The following RBFOX3 variants were observed in gnomAD, a reference collection of about 807,000 sequenced individuals.
RBFOX3 encodes RNA binding fox-1 homolog 3, also known as RNA binding protein fox-1 homolog 3.
Under a neutral mutation model 48.7 loss-of-function variants are expected in RBFOX3, and 17 were observed. The observed-to-expected ratio is 0.35, with a 90% CI of 0.24 to 0.52. RBFOX3 has a LOEUF of 0.52. RBFOX3 is among the 20% of genes least tolerant of loss of function. The pLI, the probability that RBFOX3 is intolerant of heterozygous loss-of-function variation, is 0.94. For missense variants in RBFOX3, 382 were observed against 497.5 expected, an observed-to-expected ratio of 0.77 and a Z score of 2.21; for synonymous variants, 212 against 209.5, an observed-to-expected ratio of 1.01 and a Z score of -0.10.
chr17:79,231,714 A>G (rs2061055312), intron 4 of RBFOX3, among the ~76,000 whole-genome samples: 1 of 152,242 alleles, frequency 6.6e-6, no homozygotes, highest in Non-Finnish European at 1.5e-5. Flanking sequence ...TATGAATGAC[A>G]TTGGCATAAA....
At chr17:79,329,229 C>A (rs1239782203) in intron 2 of RBFOX3, among the ~76,000 whole-genome samples, 1 of 152,128 alleles carries the variant, frequency 6.6e-6, no homozygotes, top group Non-Finnish European at 1.5e-5. Context: ...CATTTCCAAC[C>A]CAACTCTGCT....
intron 2 of RBFOX3, among the ~76,000 whole-genome samples, chr17:79,380,764 C>A (rs2059806894): frequency 6.6e-6 from 1 of 151,550 alleles, no homozygotes; most frequent in Admixed American, 6.6e-5. Flanking sequence ...TACCTGCGTG[C>A]TCTGGTGCCC....
At position 79,101,584 on chromosome 17, in the gene RBFOX3, C is replaced by T. The variant is rs762382002; in HGVS notation, c.568G>A (p.Gly190Ser). Residue 190 changes from glycine (G) to serine (S), a missense_variant and splice_region_variant, in exon 9 of 15, where the codon GGC (glycine) becomes AGC (serine). Transcript: ENST00000693108. ...NKKTGNPYTN[G>S]WKLNPVVGAV... ...CTTGTGGGGGGACCCAGCCCCTTAC[C>T]GTTGGTGTAGGGGTTCCCCGTCTTC... 8.4e-6 allele frequency: 13 copies of T among 1,550,898 alleles called. No individual in the cohort carries two copies. The East Asian group carries it at 9.8e-5, about 12-fold the overall frequency.
At chr17:79,620,067 ATG>A in the RBFOX3 span, among the ~76,000 whole-genome samples, 1 of 150,494 alleles carries the variant, frequency 6.6e-6, no homozygotes, top group East Asian at 2.0e-4. Flanking sequence ...ACATATGTAC[ATG>A]CACACATGCA....
chr17:79,255,322 G>T (rs1358499816), intron 3 of RBFOX3, among the ~76,000 whole-genome samples: 3 of 151,904 alleles, frequency 2.0e-5, no homozygotes, highest in Admixed American at 2.0e-4. Flanking sequence ...GACTCACTAT[G>T]GTGGGTCTCA....
chr17:79,256,658 C>G (rs2064900079), intron 3 of RBFOX3, among the ~76,000 whole-genome samples: 1 of 152,160 alleles, frequency 6.6e-6, no homozygotes, highest in African/African-American at 2.4e-5. Flanking sequence ...TGGCTCATGC[C>G]TGTAATCCCA....
intron 5 of RBFOX3, among the ~76,000 whole-genome samples, chr17:79,107,864 C>T (rs1055546557): frequency 5.3e-5 from 8 of 152,322 alleles, no homozygotes; most frequent in Admixed American, 3.3e-4. Flanking sequence ...GAGAGTCCCT[C>T]GGTGGCGACA....
At chr17:79,175,717 G>A (rs1205511087) in intron 4 of RBFOX3, among the ~76,000 whole-genome samples, 2 of 152,246 alleles carry the variant, frequency 1.3e-5, no homozygotes, top group African/African-American at 2.4e-5. Context: ...CCGAGTTGCC[G>A]GCTCTTGGGG....
chr17:79,137,503 C>T (rs1017154831), intron 4 of RBFOX3, among the ~76,000 whole-genome samples: 4 of 152,214 alleles, frequency 2.6e-5, no homozygotes, highest in Non-Finnish European at 4.4e-5. Context: ...TGATCGTGCA[C>T]GCAGCAGTGC....
At chr17:79,280,841 T>TG (rs34734841) in intron 3 of RBFOX3, among the ~76,000 whole-genome samples, 44,932 of 101,028 alleles carry the variant, frequency 0.44, 8,597 homozygotes, top group Non-Finnish European at 0.51. Context: ...TGTCCCATTG[T>TG]GGGGGGGGGG....
At chr17:79,522,966 G>C (rs2150010221) in intron 1 of RBFOX3, among the ~76,000 whole-genome samples, 1 of 147,466 alleles carries the variant, frequency 6.8e-6, no homozygotes, top group East Asian at 2.0e-4. Context: ...ATGCAAGGAA[G>C]CTCTGACGCA....
chr17:79,129,318 A>T (rs2038169377), intron 4 of RBFOX3, among the ~76,000 whole-genome samples: 1 of 152,208 alleles, frequency 6.6e-6, no homozygotes, highest in Non-Finnish European at 1.5e-5. Flanking sequence ...CACATCCAGG[A>T]TGTAGCAGAC....
In RBFOX3 at chr17:79,198,273, G is replaced by C. The variant is rs919504850; in HGVS notation, c.-34+37493C>G. 1.3e-5 allele frequency among the ~76,000 whole-genome samples: 2 copies of C among 152,212 alleles called. No homozygotes were observed. The highest frequency in any genetic ancestry group is 4.8e-5 in the African/African-American group (2 of 41,460). ...TGGCCAGCCCTCTGCCCTCGCCCCT[G>C]CCCTGCACCTCTCCATCCCACATGA... On this transcript the variant is annotated intron_variant, in intron 4 of 14. Coordinates refer to ENST00000693108, the MANE Select transcript of RBFOX3 (RefSeq NM_001350451.2). This position sits in a 1 kb window ranked among gnomAD's most constrained non-coding sequence, Gnocchi z 8.2.
At chr17:79,182,719 C>A (rs1167284685) in intron 4 of RBFOX3, among the ~76,000 whole-genome samples, 1 of 152,004 alleles carries the variant, frequency 6.6e-6, no homozygotes, top group East Asian at 1.9e-4. Context: ...CCAGCCCCCT[C>A]CCCGGCCAGA....
rs2077084975 is a variant in RBFOX3 at position 79,471,721 on chromosome 17, G to T, written c.-175+10733C>A. Among the ~76,000 whole-genome samples, 2 of 152,208 alleles carry T rather than the reference G, an allele frequency of 1.3e-5. No individual in the cohort carries two copies. Among genetic ancestry groups the T allele is most frequent in the South Asian group, 4.1e-4 (2 of 4,834 alleles). On this transcript the variant is annotated intron_variant, in intron 2 of 14. Coordinates refer to ENST00000693108, the MANE Select transcript of RBFOX3 (RefSeq NM_001350451.2). The surrounding 1 kb of genome is among the most constrained non-coding windows in gnomAD (Gnocchi z 4.0). ...CGTTGTCAGGTGAGTAGCACTGCCT[G>T]TGTCCCCATGGCCAGGGCGTGTGCA...
chr17:79,241,219 G>T (rs2062326436), intron 3 of RBFOX3, among the ~76,000 whole-genome samples: 1 of 145,970 alleles, frequency 6.9e-6, no homozygotes, highest in African/African-American at 2.6e-5. Flanking sequence ...TCAGTATGTT[G>T]CCCAGGTTGG....
chr17:79,487,484 C>T (rs1425229295), intron 1 of RBFOX3, among the ~76,000 whole-genome samples: 1 of 152,198 alleles, frequency 6.6e-6, no homozygotes, highest in African/African-American at 2.4e-5. Flanking sequence ...GGCCGAATCA[C>T]CATCATCATC....
intron 3 of RBFOX3, among the ~76,000 whole-genome samples, chr17:79,248,766 T>C (rs762370746): frequency 6.6e-6 from 1 of 152,200 alleles, no homozygotes; most frequent in Non-Finnish European, 1.5e-5. Flanking sequence ...GGGGTCCCCG[T>C]TGACTCACTC....
At chr17:79,475,278 A>T (rs35461715) in intron 2 of RBFOX3, among the ~76,000 whole-genome samples, 1 of 151,940 alleles carries the variant, frequency 6.6e-6, no homozygotes, top group African/African-American at 2.4e-5. Context: ...TTACAGCTCC[A>T]GTCATTCTGG....
Sources: gnomAD v4.1 joint callset for allele counts (sites outside exome capture counted in the v4.1 genomes callset) on GRCh38, gnomAD v4.1.1 for gene constraint, Gnocchi (gnomAD v3.1) non-coding constraint, MANE v1.5 for transcripts, NCBI Gene and HGNC (gene_info 2026-07-23, HGNC 2026-07-21) for gene names.